MTMR7: variants seen among roughly 807,000 people sequenced by gnomAD.
The protein encoded by MTMR7 is myotubularin related protein 7.
MTMR7 carries 76 observed loss-of-function variants against 81.2 expected under a neutral mutation model. The observed-to-expected ratio is 0.94, with a 90% CI of 0.78 to 1.13. MTMR7 has a LOEUF of 1.13. Ranked by LOEUF, MTMR7 falls within the 50% of genes most tolerant of loss-of-function variation. MTMR7 has a pLI of 0.00. For missense variants in MTMR7, 1,044 were observed against 820.0 expected, an observed-to-expected ratio of 1.27 and a Z score of -3.34; for synonymous variants, 372 against 289.8, an observed-to-expected ratio of 1.28 and a Z score of -2.88.
At chr8:17,366,999 TC>T (rs1321071708) in intron 3 of MTMR7, among the ~76,000 whole-genome samples, 1 of 132,540 alleles carries the variant, frequency 7.5e-6, no homozygotes, top group African/African-American at 3.4e-5. Flanking sequence ...ACCTTATCTG[TC>T]TTGTTTTAAG....
At chr8:17,349,851 A>T (rs1819675536) in intron 4 of MTMR7, among the ~76,000 whole-genome samples, 1 of 152,170 alleles carries the variant, frequency 6.6e-6, no homozygotes, top group South Asian at 2.1e-4. Context: ...AAGAACCAGA[A>T]ATCAGCAGTT....
intron 12 of MTMR7, chr8:17,302,495 A>T (rs1305372429): frequency 2.1e-6 from 1 of 481,852 alleles, no homozygotes; most frequent in Non-Finnish European, 3.6e-6. Flanking sequence ...GTTTATGAAA[A>T]GTCTGCCTGT....
In MTMR7 at chr8:17,341,472, G is replaced by C; in HGVS notation, c.623C>G (p.Pro208Arg). ...GCACCGGGCACTGAAGCCGGACAGG[G>C]GCTGGCTGCTCCGGCAGATGGAGGC... The part of the protein sequence containing the change: ...NHASICRSSQ[P>R]LSGFSARCLE... Residue 208 changes from proline (P) to arginine (R), a missense_variant, in exon 6 of 14, where the codon CCC becomes CGC. By Grantham distance (103) the Pro-to-Arg change is moderately radical. Transcript: ENST00000180173. The C allele has an allele frequency of 6.2e-7, 1 of 1,614,030 alleles. No individual in the cohort carries two copies. Among genetic ancestry groups the C allele is most frequent in the Non-Finnish European group, 8.5e-7 (1 of 1,180,034 alleles).
chr8:17,301,198 C>T (rs1817085740), intron 13 of MTMR7, among the ~76,000 whole-genome samples: 1 of 152,178 alleles, frequency 6.6e-6, no homozygotes, highest in Non-Finnish European at 1.5e-5. Flanking sequence ...AATACAGACC[C>T]AGCCTTAAGG....
At position 17,311,648 on chromosome 8, in the gene MTMR7, A is replaced by G. The variant is rs773706873; in HGVS notation, c.976-12T>C. The stretch of plus-strand genomic sequence containing the variant: ...TCCTCTGACACTGCCTAGAAAACAC[A>G]CGATCCGCAAAGAGTCACAAAGAAT... On this transcript the variant is annotated splice_polypyrimidine_tract_variant and intron_variant, in intron 8 of 13. Coordinates refer to ENST00000180173, the MANE Select transcript of MTMR7 (RefSeq NM_004686.5). 4.3e-6 allele frequency: 7 copies of G among 1,613,982 alleles called. No individual in the cohort carries two copies. The highest frequency in any genetic ancestry group is 5.1e-6 in the Non-Finnish European group (6 of 1,179,958).
chr8:17,341,313 C>T (rs905578037), intron 6 of MTMR7, 50 bp downstream of exon 6: 28 of 1,605,770 alleles, frequency 1.7e-5, no homozygotes, highest in Non-Finnish European at 2.2e-5. Context: ...TGCCTGTCTC[C>T]AGTTTCACAA....
At chr8:17,397,265 T>C (rs1347291628) in intron 1 of MTMR7, among the ~76,000 whole-genome samples, 1 of 151,982 alleles carries the variant, frequency 6.6e-6, no homozygotes, top group Non-Finnish European at 1.5e-5. Flanking sequence ...TATCACGTGG[T>C]CCCTTGGGGT....
chr8:17,344,879 C>G (rs939327047), intron 5 of MTMR7, among the ~76,000 whole-genome samples: 1 of 152,094 alleles, frequency 6.6e-6, no homozygotes, highest in Non-Finnish European at 1.5e-5. Context: ...AGTTGCCTCA[C>G]TGGAAATCTT....
In MTMR7 at chr8:17,305,854, A is replaced by G; in HGVS notation, c.1255T>C (p.Phe419Leu). The G allele has an allele frequency of 6.2e-7, 1 of 1,613,604 alleles. No individual in the cohort carries two copies. The highest frequency in any genetic ancestry group is 8.5e-7 in the Non-Finnish European group (1 of 1,179,588). ...ATGTGAATCAAAAACCTCTCATTGA[A>G]CTCAAAGGCACAGGGAAATTGTTCC... ...LMEQFPCAFEFNERFLIHIQH... is the reference protein window; with the variant it reads ...LMEQFPCAFELNERFLIHIQH... Residue 419 changes from phenylalanine to leucine, a missense_variant, in exon 11 of 14, where the codon TTC becomes CTC. By Grantham distance (22) the Phe-to-Leu change is conservative (BLOSUM62 0). Transcript: ENST00000180173.
chr8:17,300,728 C>G (rs1168221497), intron 13 of MTMR7, among the ~76,000 whole-genome samples: 1 of 152,180 alleles, frequency 6.6e-6, no homozygotes, highest in African/African-American at 2.4e-5. Flanking sequence ...TCATCACCTC[C>G]CCTGCCGAAA....
chr8:17,363,981 T>G, intron 3 of MTMR7, among the ~76,000 whole-genome samples: 1 of 149,480 alleles, frequency 6.7e-6, no homozygotes, highest in Non-Finnish European at 1.5e-5. Flanking sequence ...ATTGATGAAT[T>G]ACAGTTTCAT....
intron 3 of MTMR7, among the ~76,000 whole-genome samples, chr8:17,364,651 A>G (rs1820169789): frequency 1.3e-5 from 2 of 152,214 alleles, no homozygotes; most frequent in South Asian, 2.1e-4. Flanking sequence ...TAGATCCCAC[A>G]TGTAAGTGAG....
chr8:17,365,127 T>C (rs1404140502), intron 3 of MTMR7, among the ~76,000 whole-genome samples: 2 of 152,242 alleles, frequency 1.3e-5, no homozygotes, highest in Non-Finnish European at 2.9e-5. Context: ...TGTGAGGCGA[T>C]ACCTCACTGT....
intron 4 of MTMR7, among the ~76,000 whole-genome samples, chr8:17,354,550 C>G (rs770002748): frequency 6.6e-6 from 1 of 152,108 alleles, no homozygotes; most frequent in Admixed American, 6.6e-5. Flanking sequence ...TTAGCCTGCC[C>G]AAGGCCAAAG....
rs552811334 is a variant in MTMR7 at position 17,365,979 on chromosome 8, G to A, written c.311-4705C>T. Among the ~76,000 whole-genome samples, 20 of 152,226 alleles carry A rather than the reference G, an allele frequency of 1.3e-4. No homozygotes were observed. In the East Asian group the frequency reaches 3.5e-3, roughly 26 times the overall value. ...TTTTGGCTGATCTTATTCTAGCACC[G>A]GTGTTCATTGTGCTCCCCTTAACCT... On this transcript the variant is annotated intron_variant, in intron 3 of 13. Transcript: ENST00000180173.
intron 13 of MTMR7, 107 bp from the exon 14 acceptor site, chr8:17,300,331 GAACAT>G: frequency 1.6e-6 from 2 of 1,227,438 alleles, no homozygotes; most frequent in South Asian, 3.2e-5. Flanking sequence ...ATAATGTTAA[GAACAT>G]GTGACTCAGA....
intron 6 of MTMR7, among the ~76,000 whole-genome samples, chr8:17,339,413 G>A (rs962064235): frequency 1.3e-5 from 2 of 152,106 alleles, no homozygotes; most frequent in Admixed American, 1.3e-4. Context: ...CTACCCATTA[G>A]CGGTCACTCA....
At chr8:17,413,211 C>A in intron 1 of MTMR7, 58 bp downstream of exon 1, 2 of 1,506,204 alleles carry the variant, frequency 1.3e-6, no homozygotes, top group Non-Finnish European at 1.8e-6. Context: ...CTCAGCATCC[C>A]TCCTCCTCCT....
At chr8:17,410,802 G>A (rs540902200) in intron 1 of MTMR7, among the ~76,000 whole-genome samples, 2 of 152,268 alleles carry the variant, frequency 1.3e-5, no homozygotes, top group Admixed American at 6.5e-5. Context: ...TACAGCGAGT[G>A]AATGACTTCC....
Sources: allele counts gnomAD v4.1 joint callset (sites outside exome capture counted in the v4.1 genomes callset), GRCh38; gene constraint gnomAD v4.1.1; transcripts MANE v1.5; gene names NCBI Gene and HGNC (gene_info 2026-07-23, HGNC 2026-07-21).